The following IFNAR2 variants were observed in gnomAD, a reference collection of about 807,000 sequenced individuals.
IFNAR2 encodes interferon alpha and beta receptor subunit 2, also known as interferon alpha/beta receptor 2.
A neutral mutation model predicts 49.4 loss-of-function variants in IFNAR2; 30 were observed. The observed-to-expected ratio is 0.61, with a 90% CI of 0.45 to 0.82. IFNAR2 has a LOEUF of 0.82. IFNAR2 is among the 40% of genes least tolerant of loss of function. IFNAR2 has a pLI of 0.00. For synonymous variants in IFNAR2, 224 were observed against 234.5 expected (o/e 0.96, Z 0.41); for missense variants, 600 against 622.7 (o/e 0.96, Z 0.39).
intron 1 of IFNAR2, among the ~76,000 whole-genome samples, chr21:33,233,352 C>T (rs1248148955): frequency 6.6e-6 from 1 of 151,824 alleles, no homozygotes; most frequent in Admixed American, 6.6e-5. Flanking sequence ...GTAGAGAAGT[C>T]AACAAATGGG....
chr21:33,265,299 C>G lies in IFNAR2; in HGVS notation c.*1799C>G, dbSNP rs1988888826. 6.6e-6 allele frequency: 1 copy of G among 152,294 alleles called. No homozygotes were observed. The highest frequency in any genetic ancestry group is 6.5e-5 in the Admixed American group (1 of 15,286). 9.4% of individuals were successfully genotyped at this position (152,294 alleles called of 1,614,324 possible). A position where few individuals can be genotyped will look rare whatever the true frequency, so the allele number is the denominator to read the frequency against. The stretch of plus-strand genomic sequence containing the variant: ...ACCTCTTACCCCTCACCCCTGCCCC[C>G]CTCAAGAGCTGGTTTCTCAAACCTT... On this transcript the variant is annotated 3_prime_UTR_variant, in exon 9 of 9. Coordinates refer to ENST00000342136, the MANE Select transcript of IFNAR2 (RefSeq NM_001289125.3).
At chr21:33,255,198 A>G (rs964020219) in intron 7 of IFNAR2, among the ~76,000 whole-genome samples, 12 of 152,246 alleles carry the variant, frequency 7.9e-5, no homozygotes, top group African/African-American at 2.7e-4. Flanking sequence ...ATATAAATCC[A>G]AAATAAATGT....
At chr21:33,252,382 T>A in intron 6 of IFNAR2, 1 of 1,091,990 alleles carries the variant, frequency 9.2e-7, no homozygotes, top group Non-Finnish European at 1.2e-6. Flanking sequence ...ACAGAGACTT[T>A]TATTCCTCTT....
chr21:33,254,051 C>A (rs987652421), intron 7 of IFNAR2, among the ~76,000 whole-genome samples: 4 of 152,166 alleles, frequency 2.6e-5, no homozygotes, highest in Non-Finnish European at 4.4e-5. Context: ...ATGGAAGTAT[C>A]TTTAATGTTC....
chr21:33,230,298 C>A lies in IFNAR2; in HGVS notation c.-84+82C>A. 1.9e-6 allele frequency: 2 copies of A among 1,066,488 alleles called. No homozygotes were observed. Among genetic ancestry groups the A allele is most frequent in the Middle Eastern group, 4.3e-4 (1 of 2,308 alleles). 66.1% of individuals were successfully genotyped at this position (1,066,488 alleles called of 1,614,324 possible). A position where few individuals can be genotyped will look rare whatever the true frequency, so the allele number is the denominator to read the frequency against. On this transcript the variant is annotated intron_variant, in intron 1 of 8. Transcript: ENST00000342136. The surrounding 1 kb of genome is among the most constrained non-coding windows in gnomAD (Gnocchi z 5.5). ...AAAACGCCGCCTCCCTGCAGCGGTT[C>A]CCGGAATCCCCTCCGGTTCCCTCTC...
intron 7 of IFNAR2, 79 bp downstream of exon 7, chr21:33,252,909 C>A (rs771054918): frequency 7.7e-6 from 9 of 1,174,682 alleles, no homozygotes; most frequent in Middle Eastern, 1.9e-4. Flanking sequence ...AGAAAAGAAT[C>A]TGAAAAGAAT....
chr21:33,262,328 C>T (rs1335752888), intron 8 of IFNAR2, among the ~76,000 whole-genome samples: 2 of 141,166 alleles, frequency 1.4e-5, no homozygotes, highest in East Asian at 2.1e-4. Flanking sequence ...CGCACTACTG[C>T]ACTCCAGCCT....
chr21:33,237,558 T>C (rs1283312903), intron 1 of IFNAR2, among the ~76,000 whole-genome samples: 1 of 152,138 alleles, frequency 6.6e-6, no homozygotes, highest in Non-Finnish European at 1.5e-5. Context: ...GTTGCCCTTC[T>C]ACAATCTGGA....
Position 33,244,945 on chromosome 21 carries a change from C to A in IFNAR2, c.98-6C>A. On this transcript the variant is annotated splice_region_variant and splice_polypyrimidine_tract_variant and intron_variant, in intron 3 of 8. Transcript: ENST00000342136. ...ATTTCAATGCCCTTTTTCTTCTTCT[C>A]TTTAGATTACACAGATGAATCTTGC... 1 of 1,611,544 alleles carries A rather than the reference C, an allele frequency of 6.2e-7. No individual in the cohort carries two copies. Among genetic ancestry groups the A allele is most frequent in the Non-Finnish European group, 8.5e-7 (1 of 1,178,340 alleles).
intron 1 of IFNAR2, among the ~76,000 whole-genome samples, chr21:33,231,320 C>G (rs1368252510): frequency 6.6e-6 from 1 of 152,212 alleles, no homozygotes; most frequent in Non-Finnish European, 1.5e-5. Flanking sequence ...AAGGCTTGAT[C>G]TGTTTGTCGC....
At chr21:33,246,229 C>T (rs1208734271) in intron 4 of IFNAR2, among the ~76,000 whole-genome samples, 1 of 152,146 alleles carries the variant, frequency 6.6e-6, no homozygotes, top group East Asian at 1.9e-4. Flanking sequence ...CGCCACCACG[C>T]CCAGCTAATT....
intron 5 of IFNAR2, among the ~76,000 whole-genome samples, chr21:33,247,254 C>CATTTTTTTTTTTTT (rs1987501614): frequency 2.2e-5 from 2 of 91,574 alleles, no homozygotes; most frequent in Non-Finnish European, 4.3e-5. Context: ...TTCTTTCTTT[C>CATTTTTTTTTTTTT]TTTTTTTTTT....
At chr21:33,241,786 A>G (rs1986945471) in intron 1 of IFNAR2, 54 bp from the exon 2 acceptor site, 1 of 1,319,658 alleles carries the variant, frequency 7.6e-7, no homozygotes, top group African/African-American at 1.5e-5. Flanking sequence ...GAATTTTACT[A>G]TTCCTTACAG....
In IFNAR2 at chr21:33,230,130, T is replaced by C. The variant is rs1601778445; in HGVS notation, c.-170T>C. On this transcript the variant is annotated 5_prime_UTR_variant, in exon 1 of 9. Transcript: ENST00000342136. The surrounding 1 kb of genome is among the most constrained non-coding windows in gnomAD (Gnocchi z 5.5). ...GAGAGGCCGCCCGCGAGGCGCATCC[T>C]GACCGCGAGCGTCGGGTCCCAGAGC... The C allele has an allele frequency of 1.0e-6, 1 of 993,388 alleles. No homozygotes were observed. The highest frequency in any genetic ancestry group is 1.1e-4 in the East Asian group (1 of 8,828). 61.5% of individuals were successfully genotyped at this position (993,388 alleles called of 1,614,324 possible). A position where few individuals can be genotyped will look rare whatever the true frequency, so the allele number is the denominator to read the frequency against.
In IFNAR2 at chr21:33,252,765, G is replaced by A. The variant is rs755469159; in HGVS notation, c.644G>A (p.Ser215Asn). 4 of 1,613,890 alleles carry A rather than the reference G, an allele frequency of 2.5e-6. No homozygotes were observed. The African/African-American group carries it at 5.3e-5, about 22-fold the overall frequency. ...TGTGTATCTGTTTATTTAGAGCACA[G>A]TGATGAGCAAGCAGTAATAAAGTCT... ...NYCVSVYLEH[S>N]DEQAVIKSPL... is the part of the protein sequence containing the mutation. The change falls in exon 7 of 9, where the codon AGT (serine) becomes AAT (asparagine). Residue 215 changes from serine to asparagine, a missense_variant. Ser to Asn is a conservative substitution (Grantham distance 46). Coordinates refer to ENST00000342136, the MANE Select transcript of IFNAR2 (RefSeq NM_001289125.3).
At chr21:33,252,972 C>G (rs1028723481) in intron 7 of IFNAR2, 142 bp downstream of exon 7, 6 of 745,488 alleles carry the variant, frequency 8.0e-6, no homozygotes, top group Non-Finnish European at 1.4e-5. Flanking sequence ...GAGATGTTTT[C>G]TGTTGGTTCG....
intron 1 of IFNAR2, among the ~76,000 whole-genome samples, chr21:33,235,135 A>T (rs774551690): frequency 6.6e-5 from 10 of 152,222 alleles, no homozygotes; most frequent in Non-Finnish European, 1.5e-4. Context: ...GCATATGATA[A>T]GCAGTGAGGA....
chr21:33,259,530 C>T (rs1325515047), intron 7 of IFNAR2, among the ~76,000 whole-genome samples: 1 of 152,142 alleles, frequency 6.6e-6, no homozygotes, highest in African/African-American at 2.4e-5. Context: ...TTGGTTTGGA[C>T]ATAGAGTGCA....
chr21:33,249,608 C>T (rs914515459), intron 6 of IFNAR2, among the ~76,000 whole-genome samples: 3 of 152,194 alleles, frequency 2.0e-5, no homozygotes, highest in Non-Finnish European at 4.4e-5. Context: ...TCAGTAACCT[C>T]AGGGTTATCT....
Sources: gnomAD v4.1 joint callset for allele counts (sites outside exome capture counted in the v4.1 genomes callset) on GRCh38, gnomAD v4.1.1 for gene constraint, Gnocchi (gnomAD v3.1) non-coding constraint, MANE v1.5 for transcripts, NCBI Gene and HGNC (gene_info 2026-07-23, HGNC 2026-07-21) for gene names.